The following AKR1E2 variants were observed in gnomAD, a reference collection of about 807,000 sequenced individuals.
AKR1E2 encodes 1,5-anhydro-D-fructose reductase.
AKR1E2 carries 43 observed loss-of-function variants against 41.9 expected under a neutral mutation model. The observed-to-expected ratio is 1.03, with a 90% confidence interval of 0.80 to 1.32. The LOEUF (loss-of-function observed/expected upper bound fraction) is 1.32, where lower values mean the gene tolerates loss of function less well. AKR1E2 is among the 40% of genes most tolerant of loss of function. The pLI is 0.00. For missense variants in AKR1E2, 423 were observed against 396.5 expected (o/e 1.07, Z -0.57); for synonymous variants, 121 against 138.9 (o/e 0.87, Z 0.91).
chr10:4,843,524 A>G (rs940477698), intron 8 of AKR1E2, among the ~76,000 whole-genome samples: 2 of 152,192 alleles, frequency 1.3e-5, no homozygotes, highest in Non-Finnish European at 2.9e-5. Flanking sequence ...GCCCAGGAGT[A>G]TGCTCCCTCT....
At chr10:4,826,891 C>T (rs1198478860) in intron 1 of AKR1E2, among the ~76,000 whole-genome samples, 2 of 152,022 alleles carry the variant, frequency 1.3e-5, no homozygotes, top group South Asian at 2.1e-4. Flanking sequence ...GCCAGGTCAA[C>T]ATGGCGAAAC....
the AKR1E2 span, among the ~76,000 whole-genome samples, chr10:4,869,058 T>C: frequency 4.6e-5 from 7 of 152,188 alleles, no homozygotes; most frequent in Non-Finnish European, 8.8e-5. Context: ...CTCTGTAAAA[T>C]GAACTGGGAA....
chr10:4,870,452 C>G, the AKR1E2 span, among the ~76,000 whole-genome samples: 20 of 151,680 alleles, frequency 1.3e-4, no homozygotes, highest in African/African-American at 3.6e-4. Flanking sequence ...AGAGAACTTA[C>G]TTTAGCCGTT....
At chr10:4,845,105 G>C (rs996297727) in intron 8 of AKR1E2, among the ~76,000 whole-genome samples, 22 of 152,178 alleles carry the variant, frequency 1.4e-4, no homozygotes, top group African/African-American at 4.3e-4. Flanking sequence ...GCGCAGCGCC[G>C]GTGGGCCAGC....
At chr10:4,860,009 C>T in the AKR1E2 span, among the ~76,000 whole-genome samples, 1 of 152,126 alleles carries the variant, frequency 6.6e-6, no homozygotes, top group African/African-American at 2.4e-5. Flanking sequence ...GAGGCAGGGC[C>T]CTTGTGTCTT....
upstream of AKR1E2, chr10:4,825,025 T>C (rs1319321746): frequency 4.4e-6 from 2 of 455,748 alleles, no homozygotes; most frequent in Non-Finnish European, 8.8e-6. Context: ...TGGCCTAACT[T>C]GCCCCGTGCA....
the AKR1E2 span, among the ~76,000 whole-genome samples, chr10:4,861,680 A>G: frequency 6.6e-6 from 1 of 152,078 alleles, no homozygotes; most frequent in Non-Finnish European, 1.5e-5. Flanking sequence ...ATATGTCTTT[A>G]TAGTCAAAAA....
chr10:4,839,056 A>G (rs924345494), intron 5 of AKR1E2, among the ~76,000 whole-genome samples: 1 of 152,218 alleles, frequency 6.6e-6, no homozygotes, highest in Non-Finnish European at 1.5e-5. Context: ...TTTACACTAA[A>G]TAACTATTTA....
chr10:4,831,430 C>A (rs902138420), intron 2 of AKR1E2, among the ~76,000 whole-genome samples: 1 of 152,152 alleles, frequency 6.6e-6, no homozygotes, highest in Non-Finnish European at 1.5e-5. Context: ...GGAGGCCTCA[C>A]AATCATGGCA....
In AKR1E2 at chr10:4,839,943, G is replaced by A. The variant is rs1468552813; in HGVS notation, c.680+117G>A. The stretch of plus-strand genomic sequence containing the variant: ...ATGGAGGTTTTGACAGGGTGTGGAG[G>A]GATGGTACTATAGGGGGCTGTCCAC... On this transcript the variant is annotated intron_variant, in intron 6 of 9. Coordinates refer to ENST00000298375, the MANE Select transcript of AKR1E2 (RefSeq NM_001040177.3). 4.3e-6 allele frequency: 4 copies of A among 934,590 alleles called. No homozygotes were observed. The Admixed American group carries it at 7.5e-5, about 17-fold the overall frequency. The allele number at this position is 934,590 out of a possible 1,614,324, so 57.9% of individuals were successfully genotyped here. A position where few individuals can be genotyped will look rare whatever the true frequency, so the allele number is the denominator to read the frequency against.
rs746072393 is a variant in AKR1E2 at position 4,847,172 on chromosome 10, C to T, written c.862C>T (p.His288Tyr). The T allele has an allele frequency of 6.2e-7, 1 of 1,614,180 alleles. No individual in the cohort carries two copies. The highest frequency in any genetic ancestry group is 8.5e-7 in the Non-Finnish European group (1 of 1,180,028). Residue 288 changes from histidine to tyrosine, a missense_variant, in exon 9 of 10, where the codon CAC becomes TAC. By Grantham distance (83) the His-to-Tyr change is moderately conservative. Coordinates refer to ENST00000298375, the MANE Select transcript of AKR1E2 (RefSeq NM_001040177.3). The part of the protein sequence containing the change: ...IQVFDFELTQ[H>Y]DMDNILSLNR... ...GGTGTTTGATTTTGAATTAACACAG[C>T]ACGATATGGATAACATCCTCAGCCT...
chr10:4,867,757 G>A, the AKR1E2 span, among the ~76,000 whole-genome samples: 7 of 152,184 alleles, frequency 4.6e-5, no homozygotes, highest in East Asian at 1.9e-4. Flanking sequence ...TAAGAACAGC[G>A]TTGGCCTTCC....
At chr10:4,846,029 G>T in intron 8 of AKR1E2, 2 of 370,156 alleles carry the variant, frequency 5.4e-6, no homozygotes, top group South Asian at 2.0e-5. Context: ...CCCCAGTGCC[G>T]CTCAGAACTG....
chr10:4,854,165 C>T, the AKR1E2 span, among the ~76,000 whole-genome samples: 1 of 147,166 alleles, frequency 6.8e-6, no homozygotes, highest in African/African-American at 2.5e-5. Context: ...ACTATCTCAA[C>T]TCACTGCAAA....
chr10:4,839,610 TG>T, intron 5 of AKR1E2, 118 bp from the exon 6 acceptor site: 1 of 849,370 alleles, frequency 1.2e-6, no homozygotes, highest in Non-Finnish European at 1.9e-6. Context: ...CACTTAGGCC[TG>T]GAGCTGGGCC....
intron 1 of AKR1E2, among the ~76,000 whole-genome samples, chr10:4,828,540 T>C (rs1832722992): frequency 6.6e-6 from 1 of 152,220 alleles, no homozygotes; most frequent in South Asian, 2.1e-4. Flanking sequence ...TGGCTTTTTA[T>C]TTTGGCACCT....
the AKR1E2 span, among the ~76,000 whole-genome samples, chr10:4,856,156 T>C: frequency 6.6e-6 from 1 of 152,224 alleles, no homozygotes; most frequent in Non-Finnish European, 1.5e-5. Context: ...GAATATGTTT[T>C]TGGTAAAAGA....
chr10:4,827,794 G>A (rs79799697), intron 1 of AKR1E2, among the ~76,000 whole-genome samples: 5,325 of 152,240 alleles, frequency 0.035, 152 homozygotes, highest in East Asian at 0.11. Flanking sequence ...AGCATCTAGT[G>A]AAGGACGTGC....
At position 4,833,394 on chromosome 10, in the gene AKR1E2, C is replaced by A. The variant is rs1833134449; in HGVS notation, c.252C>A (p.Cys84Ter). The change falls in exon 3 of 10, where the codon TGC becomes TGA. Residue 84 changes from cysteine (C) to a stop codon, truncating the protein, a stop_gained. Coordinates refer to ENST00000298375, the MANE Select transcript of AKR1E2 (RefSeq NM_001040177.3). LOFTEE classifies it high-confidence loss of function. Reference sequence around the variant, plus strand: ...AGAAGTCCTTGGTGGAAACAGCATGCAGAAAGAGTCTCAAGGCCTTGAAGC... The same window carrying A: ...AGAAGTCCTTGGTGGAAACAGCATGAAGAAAGAGTCTCAAGGCCTTGAAGC... ...CHKKSLVETA[C>*]RKSLKALKLN... The A allele has an allele frequency of 3.7e-6, 6 of 1,614,178 alleles. No homozygotes were observed. The highest frequency in any genetic ancestry group is 4.2e-6 in the Non-Finnish European group (5 of 1,180,034).
Sources: allele counts gnomAD v4.1 joint callset (sites outside exome capture counted in the v4.1 genomes callset), GRCh38; gene constraint gnomAD v4.1.1; transcripts MANE v1.5; gene names NCBI Gene and HGNC (gene_info 2026-07-23, HGNC 2026-07-21).